The following CLEC9A variants were observed in gnomAD, a reference collection of about 807,000 sequenced individuals.
CLEC9A encodes C-type lectin domain containing 9A.
A neutral mutation model predicts 30.0 loss-of-function variants in CLEC9A; 24 were observed. That is an observed-to-expected ratio of 0.80 (90% CI 0.58 to 1.13). CLEC9A has a LOEUF of 1.13. Among genes scored for constraint, CLEC9A ranks in the 50% most tolerant of loss-of-function variants. The probability of loss-of-function intolerance (pLI) is 0.00; values close to 1 mark genes in which losing one functional copy is unlikely to be tolerated. For synonymous variants in CLEC9A, 111 were observed against 96.8 expected (o/e 1.15, Z -0.86); for missense variants, 251 against 280.9 (o/e 0.89, Z 0.76).
chr12:10,064,599 A>G, intron 7 of CLEC9A, 133 bp from the exon 8 acceptor site: 4 of 920,278 alleles, frequency 4.3e-6, no homozygotes, highest in Non-Finnish European at 6.3e-6. Flanking sequence ...CTTTTTTATA[A>G]TACTCCCTTC....
intron 4 of CLEC9A, 45 bp downstream of exon 4, chr12:10,052,823 T>G (rs1411116226): frequency 6.7e-7 from 1 of 1,489,410 alleles, no homozygotes; most frequent in Admixed American, 2.0e-5. Flanking sequence ...GAGTTCATGT[T>G]TTTTTTTTTT....
chr12:10,035,960 G>A (rs1334233585), intron 1 of CLEC9A, among the ~76,000 whole-genome samples: 3 of 152,160 alleles, frequency 2.0e-5, no homozygotes, highest in Non-Finnish European at 4.4e-5. Context: ...TTTTTATTAA[G>A]ATGTTTGCCC....
intron 8 of CLEC9A, 60 bp from the exon 9 acceptor site, chr12:10,065,440 C>T (rs1021026004): frequency 6.2e-7 from 1 of 1,600,342 alleles, no homozygotes; most frequent in Non-Finnish European, 8.5e-7. Flanking sequence ...ATTAGTTACC[C>T]TCAGGAGCAT....
At chr12:10,058,389 A>C (rs1038165003) in intron 5 of CLEC9A, among the ~76,000 whole-genome samples, 2 of 152,186 alleles carry the variant, frequency 1.3e-5, no homozygotes, top group Non-Finnish European at 2.9e-5. Context: ...AAAAAGATCC[A>C]AGCAGCTGAC....
intron 2 of CLEC9A, among the ~76,000 whole-genome samples, chr12:10,049,819 T>C (rs1489408077): frequency 6.6e-6 from 1 of 152,254 alleles, no homozygotes; most frequent in Non-Finnish European, 1.5e-5. Flanking sequence ...ATTACTTGTA[T>C]GTTCACTGGA....
intron 2 of CLEC9A, among the ~76,000 whole-genome samples, chr12:10,051,784 C>T (rs1316421489): frequency 6.6e-6 from 1 of 152,192 alleles, no homozygotes; most frequent in East Asian, 1.9e-4. Context: ...CAAGATGTGG[C>T]AGAAATGCTA....
At chr12:10,040,533 T>C (rs1331875934) in intron 1 of CLEC9A, among the ~76,000 whole-genome samples, 2 of 151,572 alleles carry the variant, frequency 1.3e-5, no homozygotes, top group Admixed American at 6.6e-5. Flanking sequence ...TCACTGTAAG[T>C]TCCGCCTCCC....
Position 10,064,979 on chromosome 12 carries a change from T to C in CLEC9A, c.593+126T>C, listed in dbSNP as rs538037936. The C allele has an allele frequency of 8.8e-5, 103 of 1,171,550 alleles. No homozygotes were observed. The African/African-American group carries it at 1.3e-3, about 15-fold the overall frequency. The allele number at this position is 1,171,550 out of a possible 1,614,324, so 72.6% of individuals were successfully genotyped here. On this transcript the variant is annotated intron_variant, in intron 8 of 8. Transcript: ENST00000355819. Reference sequence around the variant, plus strand: ...GCATGATAATGTTACAGGCGGCTAATTGGGATTAAAGCTAACAAAATTAAG... The same window carrying C: ...GCATGATAATGTTACAGGCGGCTAACTGGGATTAAAGCTAACAAAATTAAG...
chr12:10,064,974 G>C (rs1326013648), intron 8 of CLEC9A, 121 bp downstream of exon 8: 1 of 1,203,712 alleles, frequency 8.3e-7, no homozygotes, highest in Non-Finnish European at 1.1e-6. Context: ...GTTACAGGCG[G>C]CTAATTGGGA....
At chr12:10,055,642 C>A (rs1865935348) in intron 5 of CLEC9A, among the ~76,000 whole-genome samples, 1 of 152,070 alleles carries the variant, frequency 6.6e-6, no homozygotes, top group Non-Finnish European at 1.5e-5. Flanking sequence ...GCACTGTTGT[C>A]AAGTGAATGG....
chr12:10,050,315 C>T (rs1565591274), intron 2 of CLEC9A, among the ~76,000 whole-genome samples: 1 of 152,120 alleles, frequency 6.6e-6, no homozygotes, highest in African/African-American at 2.4e-5. Flanking sequence ...CATAAAGTAA[C>T]CATATGTTGT....
chr12:10,042,394 G>T (rs1321028103), intron 2 of CLEC9A, among the ~76,000 whole-genome samples: 1 of 152,258 alleles, frequency 6.6e-6, no homozygotes, highest in African/African-American at 2.4e-5. Flanking sequence ...CTTCCTATTT[G>T]CCAACAATGC....
In CLEC9A at chr12:10,064,863, T is replaced by C; in HGVS notation, c.593+10T>C. On this transcript the variant is annotated intron_variant, in intron 8 of 8. Transcript: ENST00000355819. ...CTCCTTCTCCTGGCCTGTAAGTCTC[T>C]GAGTGAAATGCTACAAGAAAAGTTA... 1.9e-6 allele frequency: 3 copies of C among 1,604,424 alleles called. No homozygotes were observed. The highest frequency in any genetic ancestry group is 2.5e-6 in the Non-Finnish European group (3 of 1,176,658).
rs1865905962 is a variant in CLEC9A, at chr12:10,052,784, C to T, written c.91+6C>T. ...GTCTTCCAACAAATGTTCAGGTAAC[C>T]AGTTCTAACTATTTTGTGTGAGACT... On this transcript the variant is annotated splice_donor_region_variant and intron_variant, in intron 4 of 8. Transcript: ENST00000355819. 2.5e-6 allele frequency: 4 copies of T among 1,613,092 alleles called. No homozygotes were observed. In the African/African-American group the frequency reaches 4.0e-5, roughly 16 times the overall value.
At chr12:10,048,725 A>C (rs1865869035) in intron 2 of CLEC9A, among the ~76,000 whole-genome samples, 1 of 152,140 alleles carries the variant, frequency 6.6e-6, no homozygotes, top group Admixed American at 6.5e-5. Flanking sequence ...TTCCAATTCT[A>C]GTTCTCTTGC....
intron 5 of CLEC9A, chr12:10,060,865 T>C (rs1865990470): frequency 6.1e-6 from 2 of 327,302 alleles, no homozygotes; most frequent in South Asian, 3.9e-5. Context: ...AGCTCCCAAA[T>C]AATAAAATAT....
chr12:10,033,751 T>C (rs1225238967), intron 1 of CLEC9A, among the ~76,000 whole-genome samples: 1 of 152,246 alleles, frequency 6.6e-6, no homozygotes, highest in Non-Finnish European at 1.5e-5. Context: ...TCATTCTCAC[T>C]CTGTTCTTTA....
intron 4 of CLEC9A, 161 bp downstream of exon 4, chr12:10,052,939 A>G (rs1565591916): frequency 4.0e-6 from 3 of 747,356 alleles, no homozygotes; most frequent in Non-Finnish European, 6.0e-6. Flanking sequence ...GGATTAAGTA[A>G]CGGTGAAAAA....
At chr12:10,041,951 T>G (rs1345443788) in intron 2 of CLEC9A, among the ~76,000 whole-genome samples, 1 of 152,216 alleles carries the variant, frequency 6.6e-6, no homozygotes, top group African/African-American at 2.4e-5. Context: ...GCACTTACTG[T>G]TTTTGTGGGC....
Sources: allele counts gnomAD v4.1 joint callset (sites outside exome capture counted in the v4.1 genomes callset), GRCh38; gene constraint gnomAD v4.1.1; transcripts MANE v1.5; gene names NCBI Gene and HGNC (gene_info 2026-07-23, HGNC 2026-07-21).